DNAJC8: variants seen among roughly 807,000 people sequenced by gnomAD.
The protein encoded by DNAJC8 is DnaJ heat shock protein family (Hsp40) member C8.
A neutral mutation model predicts 43.2 loss-of-function variants in DNAJC8; 24 were observed. That is an observed-to-expected ratio of 0.56 (90% CI 0.40 to 0.78). DNAJC8 has a LOEUF of 0.78. Ranked by LOEUF, DNAJC8 falls within the 30% of genes least tolerant of loss-of-function variation. DNAJC8 has a pLI of 0.00. For synonymous variants in DNAJC8, 83 were observed against 98.0 expected, an observed-to-expected ratio of 0.85 and a Z score of 0.90; for missense variants, 207 against 299.4, an observed-to-expected ratio of 0.69 and a Z score of 2.28.
chr1:28,212,351 T>G (rs868017235), intron 3 of DNAJC8, among the ~76,000 whole-genome samples: 16 of 145,622 alleles, frequency 1.1e-4, no homozygotes, highest in African/African-American at 4.0e-4. Flanking sequence ...CCCAGCTCAC[T>G]GCAGCCTCAA....
chr1:28,232,967 C>T lies in DNAJC8; in HGVS notation c.32G>A (p.Gly11Asp), dbSNP rs199527099. The part of the protein sequence containing the change: MAASGESGTS[G>D]GGGSTEEAFM... ...TGCTTCCTCGGTGCTGCCTCCGCCG[C>T]CTGAAGTCCCGCTCTCTCCTGAAGC... The change falls in exon 1 of 9, where the codon GGC (glycine) becomes GAC (aspartate). Residue 11 changes from glycine (G) to aspartate (D), a missense_variant. Physicochemically the swap from Gly to Asp is moderately conservative, Grantham distance 94. Coordinates refer to ENST00000263697, the MANE Select transcript of DNAJC8 (RefSeq NM_014280.3). 102 of 1,613,184 alleles carry T rather than the reference C, an allele frequency of 6.3e-5. 1 individual carries two copies. In the East Asian group the frequency reaches 2.2e-3, roughly 35 times the overall value.
At chr1:28,225,604 G>A (rs1646928833) in intron 2 of DNAJC8, among the ~76,000 whole-genome samples, 1 of 150,728 alleles carries the variant, frequency 6.6e-6, no homozygotes, top group Non-Finnish European at 1.5e-5. Flanking sequence ...TGGTTGGGGT[G>A]ACGAAAAATT....
At position 28,217,477 on chromosome 1, in the gene DNAJC8, G is replaced by A. The variant is rs761932085; in HGVS notation, c.181-2481C>T. 5.2e-4 allele frequency among the ~76,000 whole-genome samples: 79 copies of A among 152,148 alleles called. 1 individual carries two copies. The highest frequency in any genetic ancestry group is 6.6e-4 in the Admixed American group (10 of 15,260). On this transcript the variant is annotated intron_variant, in intron 2 of 8. Transcript: ENST00000263697. The stretch of plus-strand genomic sequence containing the variant: ...CTCTACTAAAAATACAAAATTAGCC[G>A]GGCATGGTGGCGCATGAAAATGAGA...
intron 3 of DNAJC8, among the ~76,000 whole-genome samples, 182 bp downstream of exon 3, chr1:28,214,758 T>C (rs550770635): frequency 6.6e-6 from 1 of 152,240 alleles, no homozygotes; most frequent in East Asian, 1.9e-4. Context: ...AGGTAAGCTA[T>C]GGTCATTAAA....
intron 5 of DNAJC8, 100 bp downstream of exon 5, chr1:28,209,872 T>C: frequency 1.0e-6 from 1 of 989,534 alleles, no homozygotes; most frequent in Non-Finnish European, 1.6e-6. Flanking sequence ...TAGCCACAGG[T>C]TGTGCCAGTA....
intron 2 of DNAJC8, among the ~76,000 whole-genome samples, chr1:28,227,209 GACCAACCTGAACAATATGGCAAA>G (rs1189787718): frequency 7.0e-6 from 1 of 142,570 alleles, no homozygotes; most frequent in Admixed American, 7.4e-5. Flanking sequence ...AGGAGTTCGA[GACCAACCTGAACAATATGGCAAA>G]ACCCCGTCTC....
intron 7 of DNAJC8, among the ~76,000 whole-genome samples, chr1:28,204,397 A>G (rs1646755639): frequency 6.6e-6 from 1 of 152,146 alleles, no homozygotes; most frequent in Non-Finnish European, 1.5e-5. Flanking sequence ...CCTGACCAAC[A>G]TGGTGAAACC....
intron 2 of DNAJC8, among the ~76,000 whole-genome samples, chr1:28,227,630 G>C (rs1355405486): frequency 6.6e-6 from 1 of 152,032 alleles, no homozygotes; most frequent in Non-Finnish European, 1.5e-5. Flanking sequence ...AGCTGAGCCA[G>C]GTGTGGTGTC....
chr1:28,216,565 CTG>C (rs963077941), intron 2 of DNAJC8, among the ~76,000 whole-genome samples: 3 of 151,862 alleles, frequency 2.0e-5, no homozygotes, highest in African/African-American at 7.3e-5. Context: ...ATAAATTTTG[CTG>C]TGTGTATTTG....
intron 8 of DNAJC8, among the ~76,000 whole-genome samples, 171 bp downstream of exon 8, chr1:28,203,576 G>C (rs1646750573): frequency 6.6e-6 from 1 of 152,090 alleles, no homozygotes; most frequent in South Asian, 2.1e-4. Context: ...TCCTTGCCAA[G>C]GCTACAGAGC....
intron 2 of DNAJC8, among the ~76,000 whole-genome samples, chr1:28,223,288 G>A (rs1646911315): frequency 6.6e-6 from 1 of 152,172 alleles, no homozygotes; most frequent in Non-Finnish European, 1.5e-5. Flanking sequence ...AGCAGGGTAG[G>A]GAAGATGCCT....
chr1:28,229,096 A>C, intron 1 of DNAJC8, 73 bp from the exon 2 acceptor site: 1 of 1,243,816 alleles, frequency 8.0e-7, no homozygotes, highest in Non-Finnish European at 1.2e-6. Flanking sequence ...CAAAATGTTC[A>C]CTGATATGTT....
At chr1:28,232,185 G>A (rs548972145) in intron 1 of DNAJC8, among the ~76,000 whole-genome samples, 1 of 152,200 alleles carries the variant, frequency 6.6e-6, no homozygotes, top group African/African-American at 2.4e-5. Flanking sequence ...TCCCGCCTGG[G>A]CCTCCCAAAG....
At chr1:28,222,962 G>A (rs531818839) in intron 2 of DNAJC8, among the ~76,000 whole-genome samples, 14 of 152,298 alleles carry the variant, frequency 9.2e-5, no homozygotes, top group Admixed American at 2.6e-4. Flanking sequence ...CATCCGTGTG[G>A]AAGTAGAATC....
Position 28,228,797 on chromosome 1 carries a change from T to C in DNAJC8, c.180+125A>G, listed in dbSNP as rs948601519. The C allele has an allele frequency of 8.9e-6, 7 of 784,592 alleles. No homozygotes were observed. In the African/African-American group the frequency reaches 1.0e-4, roughly 12 times the overall value. 48.6% of individuals were successfully genotyped at this position (784,592 alleles called of 1,614,324 possible). On this transcript the variant is annotated intron_variant, in intron 2 of 8. Transcript: ENST00000263697. Reference sequence around the variant, plus strand: ...TTTTGTACTATACAGATTCCATCACTTTACTCCACCATTTTTCTCAATCCT... The same window carrying C: ...TTTTGTACTATACAGATTCCATCACCTTACTCCACCATTTTTCTCAATCCT...
At chr1:28,227,273 G>A (rs781069606) in intron 2 of DNAJC8, among the ~76,000 whole-genome samples, 5 of 149,594 alleles carry the variant, frequency 3.3e-5, no homozygotes, top group Non-Finnish European at 5.9e-5. Flanking sequence ...GCCAAGCATG[G>A]AGGCAGGCAC....
chr1:28,206,786 A>G (rs1646771547), intron 6 of DNAJC8, among the ~76,000 whole-genome samples: 1 of 152,204 alleles, frequency 6.6e-6, no homozygotes, highest in African/African-American at 2.4e-5. Context: ...CAGACACTGG[A>G]GCAAAGAGTG....
chr1:28,228,504 C>T (rs897973680), intron 2 of DNAJC8, among the ~76,000 whole-genome samples: 5 of 152,046 alleles, frequency 3.3e-5, no homozygotes, highest in Admixed American at 6.6e-5. Flanking sequence ...CAGTTCTGCT[C>T]GGTACAATCA....
intron 1 of DNAJC8, among the ~76,000 whole-genome samples, chr1:28,230,904 C>G (rs1219840294): frequency 6.6e-6 from 1 of 152,208 alleles, no homozygotes; most frequent in East Asian, 1.9e-4. Flanking sequence ...GGTCCTTAAC[C>G]CTGAATAGCT....
Sources: gnomAD v4.1 joint callset for allele counts (sites outside exome capture counted in the v4.1 genomes callset) on GRCh38, gnomAD v4.1.1 for gene constraint, MANE v1.5 for transcripts, NCBI Gene and HGNC (gene_info 2026-07-23, HGNC 2026-07-21) for gene names.